PACRG: variants seen among roughly 807,000 people sequenced by gnomAD.
PACRG encodes parkin coregulated.
Under a neutral mutation model 29.7 loss-of-function variants are expected in PACRG, and 29 were observed. The ratio of observed to expected loss-of-function variants is 0.98; its 90% CI spans 0.73 to 1.33. PACRG has a LOEUF of 1.33. Among genes scored for constraint, PACRG ranks in the 40% most tolerant of loss-of-function variants. The probability of loss-of-function intolerance (pLI) is 0.00; values close to 1 mark genes in which losing one functional copy is unlikely to be tolerated. For missense variants in PACRG, 279 were observed against 316.2 expected, an observed-to-expected ratio of 0.88 and a Z score of 0.89; for synonymous variants, 116 against 118.7, an observed-to-expected ratio of 0.98 and a Z score of 0.15.
chr6:163,179,557 T>C (rs571990041), intron 4 of PACRG, among the ~76,000 whole-genome samples: 2 of 151,946 alleles, frequency 1.3e-5, no homozygotes, highest in African/African-American at 4.8e-5. Flanking sequence ...AATTCAAAAG[T>C]AATCCAGGTG....
At chr6:163,208,775 A>G (rs551095888) in intron 4 of PACRG, among the ~76,000 whole-genome samples, 2 of 152,332 alleles carry the variant, frequency 1.3e-5, no homozygotes, top group Admixed American at 6.5e-5. Context: ...ACCTCAAACT[A>G]TGTGGATTAG....
chr6:163,272,931 G>A (rs1158149049), intron 4 of PACRG, among the ~76,000 whole-genome samples: 1 of 101,388 alleles, frequency 9.9e-6, no homozygotes. Flanking sequence ...TTGCTCTGTC[G>A]CCCAGGCTGG....
At chr6:162,881,437 A>C (rs921215485) in intron 2 of PACRG, among the ~76,000 whole-genome samples, 20 of 152,196 alleles carry the variant, frequency 1.3e-4, no homozygotes, top group Non-Finnish European at 1.3e-4. Context: ...CAGAGAGATG[A>C]GTGTCAATGC....
chr6:163,156,762 G>A (rs1778337212), intron 4 of PACRG, among the ~76,000 whole-genome samples: 1 of 152,078 alleles, frequency 6.6e-6, no homozygotes, highest in South Asian at 2.1e-4. Context: ...CCTGTTTCCT[G>A]GCCTTTTCCA....
At chr6:162,749,675 C>T (rs543256713) in intron 1 of PACRG, among the ~76,000 whole-genome samples, 1 of 152,218 alleles carries the variant, frequency 6.6e-6, no homozygotes, top group East Asian at 1.9e-4. Flanking sequence ...CATGCACCAC[C>T]ATGCCCAACT....
intron 1 of PACRG, among the ~76,000 whole-genome samples, chr6:162,795,412 C>T (rs182134229): frequency 6.9e-4 from 105 of 152,234 alleles, no homozygotes; most frequent in Admixed American, 2.0e-3. Flanking sequence ...GTCCCAACAC[C>T]AGTTAATGAA....
At chr6:162,779,369 G>A (rs62431761) in intron 1 of PACRG, among the ~76,000 whole-genome samples, 1 of 152,156 alleles carries the variant, frequency 6.6e-6, no homozygotes, top group South Asian at 2.1e-4. Context: ...AAGGGCATGG[G>A]CCTTATCTAC....
At chr6:163,276,385 C>T (rs1000058122) in intron 4 of PACRG, among the ~76,000 whole-genome samples, 3 of 152,112 alleles carry the variant, frequency 2.0e-5, no homozygotes, top group Non-Finnish European at 2.9e-5. Flanking sequence ...CAATAATTGG[C>T]ATTTTCCTTC....
intron 2 of PACRG, among the ~76,000 whole-genome samples, chr6:162,869,923 G>A (rs2127992396): frequency 6.6e-6 from 1 of 152,288 alleles, no homozygotes; most frequent in South Asian, 2.1e-4. Context: ...TTTAATGTCT[G>A]CTATTTTTTC....
chr6:163,250,308 G>C (rs113848579), intron 4 of PACRG, among the ~76,000 whole-genome samples: 5 of 152,182 alleles, frequency 3.3e-5, no homozygotes, highest in African/African-American at 1.2e-4. Flanking sequence ...TTTCCTTCCC[G>C]CTGATTGCCT....
chr6:163,030,939 C>G (rs190378646), intron 2 of PACRG, among the ~76,000 whole-genome samples: 35 of 152,274 alleles, frequency 2.3e-4, no homozygotes, highest in Admixed American at 2.3e-3. Flanking sequence ...TGCTGACCTC[C>G]TATCTCATCC....
chr6:162,770,476 C>T (rs1026426135), intron 1 of PACRG, among the ~76,000 whole-genome samples: 11 of 152,132 alleles, frequency 7.2e-5, no homozygotes, highest in Non-Finnish European at 1.5e-4. Flanking sequence ...GGATTATTGG[C>T]ATATGAGCTT....
intron 4 of PACRG, among the ~76,000 whole-genome samples, chr6:163,256,926 A>AG (rs1223301862): frequency 6.6e-6 from 1 of 152,184 alleles, no homozygotes; most frequent in Non-Finnish European, 1.5e-5. Flanking sequence ...GACTAAAGGC[A>AG]GGGGGAACCC....
At chr6:163,088,651 G>T (rs1234654391) in intron 3 of PACRG, among the ~76,000 whole-genome samples, 1 of 151,858 alleles carries the variant, frequency 6.6e-6, no homozygotes, top group East Asian at 1.9e-4. Context: ...ATATTCCTGT[G>T]GTCTCTTATA....
chr6:163,108,392 CTTTTT>C (rs528887997), intron 4 of PACRG, among the ~76,000 whole-genome samples: 15 of 90,542 alleles, frequency 1.7e-4, no homozygotes, highest in Middle Eastern at 9.8e-3. Flanking sequence ...TTCTCTTTCC[CTTTTT>C]TTTTTTTTTT....
chr6:163,130,055 A>G (rs1407181104), intron 4 of PACRG, among the ~76,000 whole-genome samples: 1 of 152,232 alleles, frequency 6.6e-6, no homozygotes, highest in Non-Finnish European at 1.5e-5. Flanking sequence ...ATAGTGGGAC[A>G]AAAGAAGTAA....
At chr6:162,737,732 T>C (rs909628511) in intron 1 of PACRG, among the ~76,000 whole-genome samples, 1 of 152,148 alleles carries the variant, frequency 6.6e-6, no homozygotes, top group African/African-American at 2.4e-5. Flanking sequence ...GACCTTTTAA[T>C]AAGATGTAAA....
intron 4 of PACRG, among the ~76,000 whole-genome samples, chr6:163,234,582 GC>G (rs1782163289): frequency 6.6e-6 from 1 of 152,064 alleles, no homozygotes; most frequent in Non-Finnish European, 1.5e-5. Flanking sequence ...CTTTATAGCA[GC>G]CCCAACAGAC....
At chr6:163,233,541 T>C (rs1782126484) in intron 4 of PACRG, among the ~76,000 whole-genome samples, 1 of 152,156 alleles carries the variant, frequency 6.6e-6, no homozygotes, top group Admixed American at 6.5e-5. Context: ...TGAGAAAACA[T>C]ATTATGAGTT....
Sources: gnomAD v4.1 joint callset for allele counts (sites outside exome capture counted in the v4.1 genomes callset) on GRCh38, gnomAD v4.1.1 for gene constraint, MANE v1.5 for transcripts, NCBI Gene and HGNC (gene_info 2026-07-23, HGNC 2026-07-21) for gene names.